MED13L: variants seen among roughly 807,000 people sequenced by gnomAD.
MED13L encodes mediator of RNA polymerase II transcription subunit 13-like.
In MED13L, 7 loss-of-function variants were observed where a neutral mutation model predicts 220.9. The ratio of observed to expected loss-of-function variants is 0.03; its 90% confidence interval spans 0.02 to 0.06. The LOEUF is 0.06. Among genes scored for constraint, MED13L ranks in the 10% least tolerant of loss-of-function variants. The pLI is 1.00. For synonymous variants in MED13L, 1,011 were observed against 1,015.2 expected (o/e 1.00, Z 0.08); for missense variants, 1,965 against 2,760.5 (o/e 0.71, Z 6.46).
chr12:116,226,121 G>T (rs1391892454), intron 2 of MED13L, among the ~76,000 whole-genome samples: 1 of 144,908 alleles, frequency 6.9e-6, no homozygotes, highest in Non-Finnish European at 1.5e-5. Context: ...TTACTGCAGG[G>T]TATTATTCTA....
chr12:116,204,768 C>A (rs1461364701), intron 2 of MED13L, among the ~76,000 whole-genome samples: 2 of 152,154 alleles, frequency 1.3e-5, no homozygotes, highest in Non-Finnish European at 2.9e-5. Flanking sequence ...GTCTGTAGAT[C>A]CCTATCTGTA....
intron 2 of MED13L, among the ~76,000 whole-genome samples, chr12:116,167,882 T>C (rs1281257567): frequency 6.6e-6 from 1 of 152,228 alleles, no homozygotes; most frequent in Non-Finnish European, 1.5e-5. Context: ...CAAATCTATA[T>C]GAATCAACAA....
At chr12:116,137,930 C>G (rs778802375) in intron 2 of MED13L, among the ~76,000 whole-genome samples, 14 of 145,456 alleles carry the variant, frequency 9.6e-5, no homozygotes, top group Non-Finnish European at 1.9e-4. Context: ...GATCTCAGCT[C>G]ACTGCAACCT....
chr12:116,021,774 C>T (rs911242922), intron 5 of MED13L, among the ~76,000 whole-genome samples: 4 of 152,064 alleles, frequency 2.6e-5, no homozygotes, highest in African/African-American at 9.7e-5. Flanking sequence ...AATATTATAA[C>T]ATTTAAAAGC....
At position 116,008,628 on chromosome 12, in the gene MED13L, C is replaced by A; in HGVS notation, c.1785G>T (p.Leu595=). ...GGCCTACGAGGACAGTTCTGTCATC[C>A]AGAGTAGACAACTGCTGGAGTTCTA... is the stretch of plus-strand genomic sequence containing the variant. The part of the protein sequence containing the change: ...NGLELQQLST[L]DDRTVLVGQR... The change falls in exon 10 of 31, where the codon CTG becomes CTT. Residue 595 remains leucine, a synonymous_variant. Coordinates refer to ENST00000281928, the MANE Select transcript of MED13L (RefSeq NM_015335.5). 6.2e-7 allele frequency: 1 copy of A among 1,614,062 alleles called. No individual in the cohort carries two copies. Among genetic ancestry groups the A allele is most frequent in the Non-Finnish European group, 8.5e-7 (1 of 1,180,002 alleles).
intron 2 of MED13L, among the ~76,000 whole-genome samples, chr12:116,219,627 T>C (rs1373235191): frequency 6.6e-6 from 1 of 152,240 alleles, no homozygotes; most frequent in Non-Finnish European, 1.5e-5. Context: ...TGTACACATA[T>C]TAATTGTTTG....
rs540240541 is a variant in MED13L, at chr12:116,022,251, C to T, written c.625+205G>A. On this transcript the variant is annotated intron_variant, in intron 5 of 30. Transcript: ENST00000281928. ...TACACATAAGACCATCTTATATATG[C>T]GATAAGCTTCAGCGAAAAACTAACA... 1.2e-4 allele frequency among the ~76,000 whole-genome samples: 19 copies of T among 152,226 alleles called. No homozygotes were observed. The South Asian group carries it at 3.7e-3, about 30-fold the overall frequency.
At position 115,980,844 on chromosome 12, in the gene MED13L, T is replaced by C. The variant is rs1414267384; in HGVS notation, c.5270A>G (p.Gln1757Arg). 1.2e-6 allele frequency: 2 copies of C among 1,601,776 alleles called. No homozygotes were observed. ...LKSMAFSVYC[Q>R]CRRPLPTQIH... ...CTGTGTAGGCAGTGGTCGCCTGCAC[T>C]GGCAGTACACTGAAAATGCCATGGA... Residue 1757 changes from glutamine to arginine, a missense_variant, in exon 23 of 31, where the codon CAG becomes CGG. Physicochemically the swap from Gln to Arg is conservative, Grantham distance 43 (BLOSUM62 1). Transcript: ENST00000281928.
intron 2 of MED13L, among the ~76,000 whole-genome samples, chr12:116,172,101 T>C (rs1196406460): frequency 1.3e-5 from 2 of 152,204 alleles, no homozygotes; most frequent in African/African-American, 4.8e-5. Context: ...CAGCTCATCA[T>C]TCTGGTTCAA....
intron 14 of MED13L, among the ~76,000 whole-genome samples, chr12:115,998,159 T>TA (rs975685391): frequency 8.5e-5 from 13 of 152,190 alleles, no homozygotes; most frequent in Admixed American, 6.5e-4. Context: ...ACACCTGTAG[T>TA]AAAAAATTAT....
At chr12:116,014,558 A>C (rs4766777) in intron 8 of MED13L, among the ~76,000 whole-genome samples, 10,806 of 152,240 alleles carry the variant, frequency 0.071, 1,092 homozygotes, top group East Asian at 0.4. Context: ...GAAGAAAGGC[A>C]GGGAGACTGG....
chr12:116,118,642 G>A (rs527401850), intron 2 of MED13L, among the ~76,000 whole-genome samples: 1 of 152,226 alleles, frequency 6.6e-6, no homozygotes, highest in East Asian at 1.9e-4. Context: ...CATGATCAGA[G>A]TTTCCAGAAA....
intron 4 of MED13L, among the ~76,000 whole-genome samples, chr12:116,038,659 G>A (rs1881330695): frequency 7.2e-6 from 1 of 139,376 alleles, no homozygotes; most frequent in East Asian, 2.3e-4. Context: ...CGCCAAAAGA[G>A]TGTAAAACAG....
chr12:116,251,079 T>G (rs904796979), intron 1 of MED13L, among the ~76,000 whole-genome samples: 38 of 150,772 alleles, frequency 2.5e-4, no homozygotes, highest in Middle Eastern at 3.4e-3. Context: ...AGCCAATTAT[T>G]GGATAAATAA....
At chr12:115,994,650 G>A (rs947329467) in intron 16 of MED13L, among the ~76,000 whole-genome samples, 2 of 152,188 alleles carry the variant, frequency 1.3e-5, no homozygotes, top group African/African-American at 4.8e-5. Flanking sequence ...AAACCTGTAT[G>A]TATGAAAGAG....
At chr12:116,113,715 G>T (rs1407532695) in intron 2 of MED13L, among the ~76,000 whole-genome samples, 6 of 132,040 alleles carry the variant, frequency 4.5e-5, no homozygotes, top group Non-Finnish European at 8.1e-5. Context: ...GGAGGAAGAG[G>T]GGAAGAGGGA....
At chr12:116,087,375 A>G (rs936325330) in intron 4 of MED13L, among the ~76,000 whole-genome samples, 3 of 152,226 alleles carry the variant, frequency 2.0e-5, no homozygotes, top group Admixed American at 2.0e-4. Flanking sequence ...AATGTTAGAA[A>G]AAAAAGTGTA....
At chr12:116,092,051 C>CA (rs995563194) in intron 4 of MED13L, among the ~76,000 whole-genome samples, 6 of 151,646 alleles carry the variant, frequency 4.0e-5, no homozygotes, top group African/African-American at 9.7e-5. Flanking sequence ...ATAGAGCTAC[C>CA]AAAAAAAAGC....
rs543437328 is a variant in MED13L, at chr12:116,042,063, T to C, written c.480-19462A>G. Among the ~76,000 whole-genome samples, 8 of 152,330 alleles carry C rather than the reference T, an allele frequency of 5.3e-5. No homozygotes were observed. The South Asian group carries it at 1.7e-3, about 32-fold the overall frequency. ...CTGTATTTTAAAACTATTGTTAGAA[T>C]AGTAATTGCCCTCCTCCAATAGTGG... On this transcript the variant is annotated intron_variant, in intron 4 of 30. Coordinates refer to ENST00000281928, the MANE Select transcript of MED13L (RefSeq NM_015335.5).
Sources: allele counts gnomAD v4.1 joint callset (sites outside exome capture counted in the v4.1 genomes callset), GRCh38; gene constraint gnomAD v4.1.1; transcripts MANE v1.5; gene names NCBI Gene and HGNC (gene_info 2026-07-23, HGNC 2026-07-21).